The following FAM217B variants were observed in gnomAD, a reference collection of about 807,000 sequenced individuals.
FAM217B encodes the protein family with sequence similarity 217 member B.
For synonymous variants in FAM217B, 163 were observed against 173.0 expected, an observed-to-expected ratio of 0.94 and a Z score of 0.45; for missense variants, 463 against 456.9, an observed-to-expected ratio of 1.01 and a Z score of -0.12.
At chr20:59,940,379 C>T (rs1397683870), upstream of FAM217B, 7 of 153,178 alleles carry the variant, frequency 4.6e-5, no homozygotes. Flanking sequence ...GGCGGGCCCC[C>T]GCCGGCCTCA....
upstream of FAM217B, chr20:59,939,200 G>A: frequency 6.2e-7 from 1 of 1,609,920 alleles, no homozygotes; most frequent in South Asian, 1.1e-5. Context: ...CCAGCAGGAA[G>A]GGCGGTACTG....
intron 1 of FAM217B, among the ~76,000 whole-genome samples, chr20:59,935,008 C>A (rs1389094064): frequency 6.6e-6 from 1 of 152,188 alleles, no homozygotes; most frequent in Non-Finnish European, 1.5e-5. Flanking sequence ...ATTACATATG[C>A]AATCTAAGGT....
intron 3 of FAM217B, 65 bp from the exon 4 acceptor site, chr20:59,943,875 G>A (rs2060919199): frequency 7.4e-7 from 1 of 1,344,534 alleles, no homozygotes; most frequent in Admixed American, 2.4e-5. Context: ...CTTTTTGTTT[G>A]TTTAATTATA....
upstream of FAM217B, chr20:59,939,731 G>C (rs762410749): frequency 1.0e-5 from 13 of 1,255,770 alleles, no homozygotes; most frequent in Admixed American, 1.3e-4. Context: ...GCCGCAGGAT[G>C]ATGGGCCGCA....
Position 59,944,872 on chromosome 20 carries a change from G to A in FAM217B, c.929G>A (p.Gly310Asp), listed in dbSNP as rs201345839. 51 of 1,614,206 alleles carry A rather than the reference G, an allele frequency of 3.2e-5. No homozygotes were observed. Among genetic ancestry groups the A allele is most frequent in the Non-Finnish European group, 3.9e-5 (46 of 1,180,042 alleles). The stretch of plus-strand genomic sequence containing the variant: ...AAGCTGCAGCGCTGGGATCTGTCCG[G>A]CAGTGGAAGCAGCTCTAAGGTGGAA... Reference protein sequence around the residue: ...STKLQRWDLSGSGSSSKVETS... With the variant: ...STKLQRWDLSDSGSSSKVETS... Residue 310 changes from glycine to aspartate, a missense_variant, in exon 4 of 4, where the codon GGC becomes GAC. Coordinates refer to ENST00000360816, the MANE Select transcript of FAM217B (RefSeq NM_022106.3).
At position 59,944,674 on chromosome 20, in the gene FAM217B, C is replaced by T; in HGVS notation, c.731C>T (p.Ser244Leu). 6.2e-7 allele frequency: 1 copy of T among 1,614,150 alleles called. No individual in the cohort carries two copies. The highest frequency in any genetic ancestry group is 1.7e-5 in the Admixed American group (1 of 60,016). ...CCTCACCAGGAAGGGGCTTCAAAGT[C>T]AGGCCCTTCCCGAAAGAAAGCTTTT... The part of the protein sequence containing the change: ...PLPHQEGASK[S>L]GPSRKKAFHH... The change falls in exon 4 of 4, where the codon TCA (serine) becomes TTA (leucine). Residue 244 changes from serine (S) to leucine (L), a missense_variant. By Grantham distance (145) the Ser-to-Leu change is moderately radical (BLOSUM62 -2). Transcript: ENST00000360816.
Position 59,948,520 on chromosome 20 carries a change from A to G in FAM217B, c.*3425A>G, listed in dbSNP as rs553692264. ...TGTATTATTTATGTACATGTACAGG[A>G]CACCATTCAAAATGGCTTGAAAATA... On this transcript the variant is annotated 3_prime_UTR_variant, in exon 4 of 4. Transcript: ENST00000360816. The G allele has an allele frequency of 6.0e-6, 1 of 167,182 alleles. No individual in the cohort carries two copies. The highest frequency in any genetic ancestry group is 1.9e-4 in the East Asian group (1 of 5,182). 10.4% of individuals were successfully genotyped at this position (167,182 alleles called of 1,614,324 possible). A position where few individuals can be genotyped will look rare whatever the true frequency, so the allele number is the denominator to read the frequency against.
intron 1 of FAM217B, among the ~76,000 whole-genome samples, chr20:59,934,050 C>G (rs1168943231): frequency 1.3e-5 from 2 of 152,124 alleles, no homozygotes; most frequent in Admixed American, 1.3e-4. Context: ...AGCCCATCCC[C>G]GCGCTATGCG....
rs781041805 is a variant in FAM217B, at chr20:59,944,798, C to G, written c.855C>G (p.Thr285=). ...CCAGGTTTTGTTCTCAGAGGCAAAC[C>G]CTTGAAATGAGGACAGAAGAAAAGA... ...GGTRFCSQRQ[T]LEMRTEEKKK... is the part of the protein sequence containing the mutation. The change falls in exon 4 of 4, where the codon ACC becomes ACG. Residue 285 remains threonine, a synonymous_variant. Coordinates refer to ENST00000360816, the MANE Select transcript of FAM217B (RefSeq NM_022106.3). 2 of 1,614,124 alleles carry G rather than the reference C, an allele frequency of 1.2e-6. No individual in the cohort carries two copies. Among genetic ancestry groups the G allele is most frequent in the Middle Eastern group, 1.6e-4 (1 of 6,062 alleles).
At chr20:59,943,298 C>T (rs1317238304) in intron 3 of FAM217B, among the ~76,000 whole-genome samples, 1 of 152,114 alleles carries the variant, frequency 6.6e-6, no homozygotes, top group Non-Finnish European at 1.5e-5. Flanking sequence ...TGTTACAGGG[C>T]ACCATATGAT....
chr20:59,935,652 G>A (rs762947224), upstream of FAM217B, among the ~76,000 whole-genome samples: 2 of 152,200 alleles, frequency 1.3e-5, no homozygotes, highest in East Asian at 1.9e-4. Context: ...TGTGCACCTA[G>A]CTGCTCTACG....
upstream of FAM217B, among the ~76,000 whole-genome samples, chr20:59,935,926 G>A (rs188706421): frequency 6.6e-6 from 1 of 152,272 alleles, no homozygotes; most frequent in Admixed American, 6.5e-5. Flanking sequence ...TACCAGCTAT[G>A]GGACTTTAGG....
Position 59,947,936 on chromosome 20 carries a change from A to G in FAM217B, c.*2841A>G. On this transcript the variant is annotated 3_prime_UTR_variant, in exon 4 of 4. Transcript: ENST00000360816. ...AAAGCACTGAGTGTTTTGCTAGTCT[A>G]GTGACATGGGTTATTGTATTTCCGA... The G allele has an allele frequency of 6.0e-6, 1 of 166,946 alleles. No homozygotes were observed. 10.3% of individuals were successfully genotyped at this position (166,946 alleles called of 1,614,324 possible).
chr20:59,939,694 C>CG, upstream of FAM217B: 1 of 1,412,866 alleles, frequency 7.1e-7, no homozygotes, highest in Non-Finnish European at 9.2e-7. Flanking sequence ...TGGCGGCGCT[C>CG]GGGGGAGCTG....
In FAM217B at chr20:59,944,849, G is replaced by A. The variant is rs753977572; in HGVS notation, c.906G>A (p.Lys302=). ...EKKKKSSKST[K]LQRWDLSGSG... Reference sequence around the variant, plus strand: ...AAAAGAAATCAAGTAAGAGTACGAAGCTGCAGCGCTGGGATCTGTCCGGCA... The same window carrying A: ...AAAAGAAATCAAGTAAGAGTACGAAACTGCAGCGCTGGGATCTGTCCGGCA... Residue 302 remains lysine, a synonymous_variant, in exon 4 of 4, where the codon AAG becomes AAA. Coordinates refer to ENST00000360816, the MANE Select transcript of FAM217B (RefSeq NM_022106.3). 12 of 1,614,196 alleles carry A rather than the reference G, an allele frequency of 7.4e-6. No individual in the cohort carries two copies. Among genetic ancestry groups the A allele is most frequent in the Non-Finnish European group, 1.0e-5 (12 of 1,180,050 alleles).
intron 1 of FAM217B, among the ~76,000 whole-genome samples, chr20:59,934,462 G>A (rs1026325460): frequency 6.6e-6 from 1 of 152,154 alleles, no homozygotes; most frequent in Non-Finnish European, 1.5e-5. Context: ...CCGTGCTCGC[G>A]TTCTGAGATG....
At position 59,948,675 on chromosome 20, in the gene FAM217B, T is replaced by A. The variant is rs2060952004; in HGVS notation, c.*3580T>A. The A allele has an allele frequency of 6.0e-6, 1 of 166,700 alleles. No homozygotes were observed. The highest frequency in any genetic ancestry group is 1.5e-5 in the Non-Finnish European group (1 of 68,124). The allele number at this position is 166,700 out of a possible 1,614,324, so 10.3% of individuals were successfully genotyped here. A position where few individuals can be genotyped will look rare whatever the true frequency, so the allele number is the denominator to read the frequency against. ...TCAATTAAACAGCAGAAAAATATTG[T>A]CTGGATTTTTCTGGTATTGTTTTGT... On this transcript the variant is annotated 3_prime_UTR_variant, in exon 4 of 4. Transcript: ENST00000360816.
At chr20:59,942,814 C>T (rs1485437466) in intron 3 of FAM217B, among the ~76,000 whole-genome samples, 1 of 152,034 alleles carries the variant, frequency 6.6e-6, no homozygotes, top group South Asian at 2.1e-4. Flanking sequence ...TTTATGGATG[C>T]ATACTGACAG....
At chr20:59,940,184 T>G, upstream of FAM217B, 1 of 369,634 alleles carries the variant, frequency 2.7e-6, no homozygotes, top group East Asian at 4.2e-5. Context: ...TTCAGAGGCC[T>G]CCCGGGAGCG....
Sources: gnomAD v4.1 joint callset for allele counts (sites outside exome capture counted in the v4.1 genomes callset) on GRCh38, gnomAD v4.1.1 for gene constraint, MANE v1.5 for transcripts, NCBI Gene and HGNC (gene_info 2026-07-23, HGNC 2026-07-21) for gene names.